Variants in RBFOX1 observed in about 807,000 individuals in gnomAD.
The protein encoded by RBFOX1 is RNA binding protein fox-1 homolog 1.
RBFOX1 carries 8 observed loss-of-function variants against 57.7 expected under a neutral mutation model. That is an observed-to-expected ratio of 0.14 (90% confidence interval 0.08 to 0.25). The LOEUF is 0.25. RBFOX1 is among the 10% of genes least tolerant of loss of function. The probability of loss-of-function intolerance (pLI) is 1.00; values close to 1 mark genes in which losing one functional copy is unlikely to be tolerated. For synonymous variants in RBFOX1, 326 were observed against 222.4 expected (o/e 1.47, Z -4.15); for missense variants, 611 against 548.5 (o/e 1.11, Z -1.14).
rs141402535 is a variant in RBFOX1, at chr16:5,982,519, G to A, written c.351+115184G>A. ...TTGAACTCCTGACCTCAGGTGATCC[G>A]CCTTCCCCAGCCTCCCAAAGTGCTG... On this transcript the variant is annotated intron_variant, in intron 4 of 19. Coordinates refer to the RBFOX1 transcript ENST00000641259. Among the ~76,000 whole-genome samples the A allele has an allele frequency of 5.1e-3, 768 of 152,066 alleles. 7 individuals are homozygous for A. The highest frequency in any genetic ancestry group is 0.017 in the African/African-American group (692 of 41,488).
intron 2 of RBFOX1, among the ~76,000 whole-genome samples, chr16:6,333,679 G>C (rs931355297): frequency 6.6e-6 from 1 of 152,118 alleles, no homozygotes; most frequent in South Asian, 2.1e-4. Context: ...ATGGACTTAA[G>C]TTTAGAATAG....
At chr16:7,188,054 A>G (rs1460023799) in intron 4 of RBFOX1, among the ~76,000 whole-genome samples, 2 of 152,164 alleles carry the variant, frequency 1.3e-5, no homozygotes, top group African/African-American at 4.8e-5. Context: ...TTTCATTTTA[A>G]CTTTTCTCTG....
At chr16:6,833,376 C>T (rs1002973284) in intron 3 of RBFOX1, among the ~76,000 whole-genome samples, 5 of 151,896 alleles carry the variant, frequency 3.3e-5, no homozygotes, top group African/African-American at 1.2e-4. Flanking sequence ...CATGTTGGTT[C>T]CGCTGTTCTC....
chr16:7,705,206 G>A (rs552675962), intron 14 of RBFOX1, among the ~76,000 whole-genome samples: 50 of 151,730 alleles, frequency 3.3e-4, no homozygotes, highest in South Asian at 1.3e-3. Context: ...GTGCAGGAAC[G>A]ATCAAGAAAG....
At chr16:6,594,868 A>T (rs2097761504) in intron 2 of RBFOX1, among the ~76,000 whole-genome samples, 1 of 152,106 alleles carries the variant, frequency 6.6e-6, no homozygotes, top group South Asian at 2.1e-4. Context: ...AGCTAACTGT[A>T]ACCTCCGCCT....
At chr16:5,925,841 C>A (rs2058929513) in intron 4 of RBFOX1, among the ~76,000 whole-genome samples, 1 of 152,170 alleles carries the variant, frequency 6.6e-6, no homozygotes, top group South Asian at 2.1e-4. Context: ...CAAATAACTA[C>A]CTGGGCCCCT....
chr16:6,765,359 G>A (rs961265534), intron 3 of RBFOX1, among the ~76,000 whole-genome samples: 2 of 152,142 alleles, frequency 1.3e-5, no homozygotes, highest in African/African-American at 4.8e-5. Context: ...AATACGGCTT[G>A]TTGGAAAGTC....
chr16:5,408,436 C>T (rs1373329994), intron 1 of RBFOX1, among the ~76,000 whole-genome samples: 9 of 152,160 alleles, frequency 5.9e-5, no homozygotes, highest in African/African-American at 2.2e-4. Context: ...CTGAGCTATT[C>T]AGAGGCCTTA....
chr16:6,954,892 A>T (rs1164426728), intron 3 of RBFOX1, among the ~76,000 whole-genome samples: 1 of 152,158 alleles, frequency 6.6e-6, no homozygotes, highest in Admixed American at 6.5e-5. Context: ...CCTCAAATAA[A>T]GAAAGGTAAT....
At chr16:7,299,739 A>C (rs548412468) in intron 4 of RBFOX1, among the ~76,000 whole-genome samples, 57 of 152,300 alleles carry the variant, frequency 3.7e-4, no homozygotes, top group African/African-American at 1.4e-3. Flanking sequence ...AGGCCAGCTT[A>C]ATGTATACAT....
At chr16:5,684,896 T>C (rs1286367996) in intron 3 of RBFOX1, among the ~76,000 whole-genome samples, 2 of 152,270 alleles carry the variant, frequency 1.3e-5, no homozygotes, top group African/African-American at 4.8e-5. Flanking sequence ...GCACTTGAGT[T>C]CCAGGCATCA....
intron 4 of RBFOX1, among the ~76,000 whole-genome samples, chr16:7,330,785 C>G (rs1195323736): frequency 6.6e-6 from 1 of 152,046 alleles, no homozygotes; most frequent in African/African-American, 2.4e-5. Context: ...ACAATTTGAT[C>G]TGACACAGGC....
rs541574034 is a variant in RBFOX1, at chr16:5,827,522, A to G, written c.319-39781A>G. ...GAGAACTCCCTCCCTCTACATCAAG[A>G]CTCCGCAAGATTTTTCTGACAAGGG... On this transcript the variant is annotated intron_variant, in intron 3 of 19. Coordinates refer to the RBFOX1 transcript ENST00000641259. 2.2e-3 allele frequency among the ~76,000 whole-genome samples: 333 copies of G among 151,764 alleles called. 1 individual carries two copies. Among genetic ancestry groups the G allele is most frequent in the African/African-American group, 7.6e-3 (313 of 41,342 alleles).
intron 4 of RBFOX1, among the ~76,000 whole-genome samples, chr16:7,228,115 G>A (rs2093266608): frequency 6.6e-6 from 1 of 152,128 alleles, no homozygotes; most frequent in Non-Finnish European, 1.5e-5. Flanking sequence ...CTATCTTACA[G>A]GAAGGTGGCA....
intron 2 of RBFOX1, among the ~76,000 whole-genome samples, chr16:6,392,818 C>T (rs922308483): frequency 1.3e-5 from 2 of 152,190 alleles, no homozygotes; most frequent in South Asian, 2.1e-4. Flanking sequence ...AATAAATTAA[C>T]CATTTACAGT....
At chr16:6,727,391 G>T (rs761842883) in intron 3 of RBFOX1, among the ~76,000 whole-genome samples, 2 of 151,836 alleles carry the variant, frequency 1.3e-5, no homozygotes, top group Non-Finnish European at 2.9e-5. Context: ...GTTCTCATTA[G>T]TCTTCATTTT....
intron 1 of RBFOX1, among the ~76,000 whole-genome samples, chr16:6,099,191 G>A (rs1162093688): frequency 6.6e-6 from 1 of 152,178 alleles, no homozygotes; most frequent in African/African-American, 2.4e-5. Context: ...ATTTGGTTCA[G>A]TCAAAATGAA....
At chr16:7,096,110 A>T (rs564832121) in intron 4 of RBFOX1, among the ~76,000 whole-genome samples, 7 of 152,160 alleles carry the variant, frequency 4.6e-5, no homozygotes, top group African/African-American at 1.7e-4. Flanking sequence ...GACCCAGGAG[A>T]CATGATATGA....
At chr16:6,533,028 A>G (rs1172668376) in intron 2 of RBFOX1, among the ~76,000 whole-genome samples, 2 of 152,164 alleles carry the variant, frequency 1.3e-5, no homozygotes, top group Non-Finnish European at 2.9e-5. Context: ...AAGAAGATTC[A>G]TCTTACTTCT....
Sources: allele counts gnomAD v4.1 joint callset (sites outside exome capture counted in the v4.1 genomes callset), GRCh38; gene constraint gnomAD v4.1.1; transcripts MANE v1.5; gene names NCBI Gene and HGNC (gene_info 2026-07-23, HGNC 2026-07-21).